Variants in GLIS3 observed in about 807,000 individuals in gnomAD.
The protein encoded by GLIS3 is GLIS family zinc finger 3, also known as zinc finger protein GLIS3.
Under a neutral mutation model 78.6 loss-of-function variants are expected in GLIS3, and 53 were observed. The ratio of observed to expected loss-of-function variants is 0.67; its 90% CI spans 0.54 to 0.85. The LOEUF is 0.85. GLIS3 is among the 40% of genes least tolerant of loss of function. The pLI, the probability that GLIS3 is intolerant of heterozygous loss-of-function variation, is 0.00. For missense variants in GLIS3, 1,703 were observed against 1,231.1 expected (o/e 1.38, Z -5.74); for synonymous variants, 684 against 509.9 (o/e 1.34, Z -4.60).
At chr9:4,200,257 G>T (rs990885127) in intron 2 of GLIS3, among the ~76,000 whole-genome samples, 2 of 151,446 alleles carry the variant, frequency 1.3e-5, no homozygotes, top group African/African-American at 4.9e-5. Context: ...AGAGAAACAA[G>T]AACAAACTAA....
intron 2 of GLIS3, among the ~76,000 whole-genome samples, chr9:4,233,544 C>A (rs1459263720): frequency 6.6e-6 from 1 of 152,158 alleles, no homozygotes; most frequent in Non-Finnish European, 1.5e-5. Flanking sequence ...ACTCAGTAAA[C>A]CATGACGTAA....
chr9:4,463,200 C>T, the GLIS3 span, among the ~76,000 whole-genome samples: 2 of 152,180 alleles, frequency 1.3e-5, no homozygotes, highest in Non-Finnish European at 2.9e-5. Flanking sequence ...AGCAATTTTA[C>T]TAATGGTGGG....
chr9:4,214,443 G>A (rs1820645803), intron 2 of GLIS3, among the ~76,000 whole-genome samples: 1 of 152,180 alleles, frequency 6.6e-6, no homozygotes, highest in African/African-American at 2.4e-5. Context: ...TCTTCTGTGT[G>A]CGGTAACATT....
the GLIS3 span, among the ~76,000 whole-genome samples, chr9:4,400,310 C>T: frequency 6.6e-6 from 1 of 152,138 alleles, no homozygotes; most frequent in African/African-American, 2.4e-5. Flanking sequence ...TGATGGTGAC[C>T]TGAACTGGGA....
At chr9:4,232,291 G>T (rs560558793) in intron 2 of GLIS3, among the ~76,000 whole-genome samples, 20 of 151,472 alleles carry the variant, frequency 1.3e-4, no homozygotes, top group Admixed American at 7.2e-4. Context: ...CAAGGCAGGG[G>T]GATCACTTGA....
At chr9:3,860,061 G>A (rs958046387) in intron 8 of GLIS3, among the ~76,000 whole-genome samples, 1 of 151,894 alleles carries the variant, frequency 6.6e-6, no homozygotes, top group Non-Finnish European at 1.5e-5. Flanking sequence ...GGATCACGAC[G>A]TCAGGAGATT....
intron 2 of GLIS3, among the ~76,000 whole-genome samples, chr9:4,244,245 G>A (rs17212955): frequency 0.33 from 50,250 of 152,040 alleles, 8,656 homozygotes; most frequent in Admixed American, 0.39. Flanking sequence ...CATTGCCTGT[G>A]TGAAACGTAC....
the GLIS3 span, among the ~76,000 whole-genome samples, chr9:4,458,771 C>T: frequency 6.6e-6 from 1 of 152,156 alleles, no homozygotes; most frequent in Non-Finnish European, 1.5e-5. Flanking sequence ...GCACTCCAGC[C>T]TGGGCAACAG....
the GLIS3 span, among the ~76,000 whole-genome samples, chr9:4,417,297 T>C: frequency 6.6e-6 from 1 of 152,212 alleles, no homozygotes. Context: ...TGGGGACTGA[T>C]ATTATTTAAC....
chr9:4,307,943 G>A (rs1196025834), intron 4 of GLIS3, among the ~76,000 whole-genome samples: 2 of 152,270 alleles, frequency 1.3e-5, no homozygotes, highest in Non-Finnish European at 2.9e-5. Context: ...TGTTTAGGGT[G>A]CTATTTAGGG....
intron 2 of GLIS3, among the ~76,000 whole-genome samples, chr9:4,339,086 T>A (rs1429139108): frequency 6.6e-6 from 1 of 152,208 alleles, no homozygotes; most frequent in Non-Finnish European, 1.5e-5. Flanking sequence ...AGACTGTCCA[T>A]ACAACACTAC....
the GLIS3 span, among the ~76,000 whole-genome samples, chr9:4,438,499 A>AT: frequency 6.6e-6 from 1 of 152,050 alleles, no homozygotes; most frequent in African/African-American, 2.4e-5. Context: ...CAGTGTGAAG[A>AT]TTTTCTCACC....
At chr9:4,361,526 G>A in the GLIS3 span, among the ~76,000 whole-genome samples, 1 of 152,176 alleles carries the variant, frequency 6.6e-6, no homozygotes, top group Non-Finnish European at 1.5e-5. Flanking sequence ...CTGCATGCAA[G>A]GAGATTTAGA....
intron 2 of GLIS3, among the ~76,000 whole-genome samples, chr9:4,338,409 C>CACACACAA (rs796183591): frequency 1.1e-4 from 16 of 150,894 alleles, no homozygotes; most frequent in African/African-American, 3.7e-4. Flanking sequence ...CACACACACA[C>CACACACAA]AATTTTTTAA....
At chr9:4,190,660 C>A (rs1040516452) in intron 2 of GLIS3, among the ~76,000 whole-genome samples, 3 of 151,992 alleles carry the variant, frequency 2.0e-5, no homozygotes, top group Non-Finnish European at 4.4e-5. Flanking sequence ...GGCCAACATT[C>A]AGATTCAGGA....
At chr9:4,079,974 C>T (rs1828414498) in intron 4 of GLIS3, among the ~76,000 whole-genome samples, 1 of 152,140 alleles carries the variant, frequency 6.6e-6, no homozygotes, top group Non-Finnish European at 1.5e-5. Flanking sequence ...ACTCTGAATA[C>T]TCTCCTCCTT....
At chr9:4,421,908 T>G in the GLIS3 span, among the ~76,000 whole-genome samples, 1 of 152,076 alleles carries the variant, frequency 6.6e-6, no homozygotes, top group Non-Finnish European at 1.5e-5. Context: ...TAAACATGAG[T>G]AGGAAAACAA....
At chr9:4,200,191 C>G (rs1819239696) in intron 2 of GLIS3, among the ~76,000 whole-genome samples, 1 of 151,896 alleles carries the variant, frequency 6.6e-6, no homozygotes, top group Non-Finnish European at 1.5e-5. Context: ...AAACACCTAC[C>G]TTGCAAAATT....
At chr9:4,386,959 T>A in the GLIS3 span, among the ~76,000 whole-genome samples, 1 of 152,178 alleles carries the variant, frequency 6.6e-6, no homozygotes, top group South Asian at 2.1e-4. Flanking sequence ...ATCACAGAAC[T>A]CTCACCCTAC....
Sources: allele counts gnomAD v4.1 joint callset (sites outside exome capture counted in the v4.1 genomes callset), GRCh38; gene constraint gnomAD v4.1.1; transcripts MANE v1.5; gene names NCBI Gene and HGNC (gene_info 2026-07-23, HGNC 2026-07-21).